CYP3A5: variants seen among roughly 807,000 people sequenced by gnomAD.
CYP3A5 encodes the protein cytochrome P450 family 3 subfamily A member 5.
In CYP3A5, 51 loss-of-function variants were observed where a neutral mutation model predicts 55.9. That is an observed-to-expected ratio of 0.91 (90% CI 0.73 to 1.15). The LOEUF is 1.15. Ranked by LOEUF, CYP3A5 falls within the 50% of genes most tolerant of loss-of-function variation. CYP3A5 has a pLI of 0.00. For synonymous variants in CYP3A5, 196 were observed against 213.9 expected (o/e 0.92, Z 0.73); for missense variants, 533 against 596.6 (o/e 0.89, Z 1.11).
At chr7:99,661,242 G>A (rs1810412400) in intron 9 of CYP3A5, among the ~76,000 whole-genome samples, 1 of 152,208 alleles carries the variant, frequency 6.6e-6, no homozygotes, top group Non-Finnish European at 1.5e-5. Flanking sequence ...ACATCTGGGA[G>A]CTTATTAGAA....
rs1811091470 is a variant in CYP3A5, at chr7:99,667,013, T to C, written c.371A>G (p.Glu124Gly). 1 of 1,614,058 alleles carries C rather than the reference T, an allele frequency of 6.2e-7. No homozygotes were observed. The highest frequency in any genetic ancestry group is 1.3e-5 in the African/African-American group (1 of 74,936). ...CAATGACCGTATTCTCTTCCATTCT[T>C]CATCCTCAGCTAAAGAGATGGCACT... ...MKSAISLAED[E>G]EWKRIRSLLS... The change falls in exon 5 of 13, where the codon GAA becomes GGA. Residue 124 changes from glutamate to glycine, a missense_variant. Coordinates refer to ENST00000222982, the MANE Select transcript of CYP3A5 (RefSeq NM_000777.5).
intron 2 of CYP3A5, among the ~76,000 whole-genome samples, chr7:99,675,185 G>A (rs1214712590): frequency 6.6e-6 from 1 of 152,178 alleles, no homozygotes; most frequent in Non-Finnish European, 1.5e-5. Flanking sequence ...CAGAAAAGAT[G>A]GAGAAATGCC....
At chr7:99,652,020 A>G (rs1437354937) in intron 11 of CYP3A5, among the ~76,000 whole-genome samples, 2 of 152,168 alleles carry the variant, frequency 1.3e-5, no homozygotes, top group Non-Finnish European at 2.9e-5. Context: ...GTTGAAAGCA[A>G]ATGGAATGTG....
At chr7:99,666,093 C>T (rs1347279390) in intron 6 of CYP3A5, among the ~76,000 whole-genome samples, 4 of 152,158 alleles carry the variant, frequency 2.6e-5, no homozygotes, top group African/African-American at 4.8e-5. Context: ...CATAGCATTT[C>T]TAGCACCCTT....
At chr7:99,648,983 G>T (rs568572310) in intron 12 of CYP3A5, among the ~76,000 whole-genome samples, 1 of 152,246 alleles carries the variant, frequency 6.6e-6, no homozygotes, top group South Asian at 2.1e-4. Flanking sequence ...AATTTCTCAA[G>T]TTGTACAGTG....
At chr7:99,649,980 A>G (rs962165536) in intron 12 of CYP3A5, 93 bp downstream of exon 12, 1 of 1,475,398 alleles carries the variant, frequency 6.8e-7, no homozygotes, top group Non-Finnish European at 9.2e-7. Flanking sequence ...CCATAGAATG[A>G]ATTATTAAAA....
At chr7:99,663,618 C>G in intron 8 of CYP3A5, 1 of 1,000,210 alleles carries the variant, frequency 1.0e-6, no homozygotes, top group Non-Finnish European at 1.2e-6. Flanking sequence ...CTTTACCAAT[C>G]TGTGATATGA....
intron 4 of CYP3A5, among the ~76,000 whole-genome samples, chr7:99,667,814 A>G (rs1039791713): frequency 2.6e-5 from 4 of 152,322 alleles, no homozygotes; most frequent in Non-Finnish European, 5.9e-5. Flanking sequence ...GACAATCTGT[A>G]AAAAAATCAT....
chr7:99,664,665 T>G (rs1036943111), intron 7 of CYP3A5, among the ~76,000 whole-genome samples: 26 of 152,156 alleles, frequency 1.7e-4, no homozygotes, highest in Non-Finnish European at 1.5e-5. Context: ...AAACACAGGA[T>G]GTAGCCAAAC....
At chr7:99,650,710 C>T (rs1809093659) in intron 11 of CYP3A5, among the ~76,000 whole-genome samples, 1 of 151,940 alleles carries the variant, frequency 6.6e-6, no homozygotes, top group African/African-American at 2.4e-5. Context: ...TAATTCCCCT[C>T]CTCCTCCTCT....
In CYP3A5 at chr7:99,667,834, T is replaced by C. The variant is rs1052100791; in HGVS notation, c.319-769A>G. On this transcript the variant is annotated intron_variant, in intron 4 of 12. Coordinates refer to ENST00000222982, the MANE Select transcript of CYP3A5 (RefSeq NM_000777.5). Reference sequence around the variant, plus strand: ...TCTGTAAAAAAATCATTCAGTTAAATCACATTTAATGATGAAGGACTGAAT... The same window carrying C: ...TCTGTAAAAAAATCATTCAGTTAAACCACATTTAATGATGAAGGACTGAAT... 3.9e-5 allele frequency among the ~76,000 whole-genome samples: 6 copies of C among 152,220 alleles called. No homozygotes were observed. The South Asian group carries it at 1.2e-3, about 32-fold the overall frequency.
chr7:99,657,069 T>G (rs1318537212), intron 10 of CYP3A5, among the ~76,000 whole-genome samples: 1 of 152,228 alleles, frequency 6.6e-6, no homozygotes, highest in Non-Finnish European at 1.5e-5. Flanking sequence ...GGTTTTTTTG[T>G]GTCTCTGTTT....
At chr7:99,661,313 A>G (rs1029798827) in intron 9 of CYP3A5, among the ~76,000 whole-genome samples, 4 of 152,232 alleles carry the variant, frequency 2.6e-5, no homozygotes, top group African/African-American at 7.2e-5. Context: ...TGCAGGAGAT[A>G]TGGTGATTTG....
In CYP3A5 at chr7:99,676,172, CAGTCTCTTAAAA is replaced by C. The variant is rs1163320193; in HGVS notation, c.96_107del (p.Phe33_Leu36del). The C allele has an allele frequency of 2.5e-6, 4 of 1,613,778 alleles. No individual in the cohort carries two copies. In the South Asian group the frequency reaches 3.3e-5, roughly 13 times the overall value. On this transcript the variant is annotated inframe_deletion, in exon 2 of 13. Coordinates refer to ENST00000222982, the MANE Select transcript of CYP3A5 (RefSeq NM_000777.5). ...GCAGAGGTGTGGGCCCTGGAATTCC[CAGTCTCTTAAAA>C]AGTCCATGTGTACGGGTCCCATATC...
At chr7:99,666,302 T>C (rs759197214) in intron 6 of CYP3A5, among the ~76,000 whole-genome samples, 2 of 152,224 alleles carry the variant, frequency 1.3e-5, no homozygotes, top group African/African-American at 2.4e-5. Flanking sequence ...CTCAAAACTT[T>C]GATACAATCA....
At chr7:99,652,017 G>A (rs1454959221) in intron 11 of CYP3A5, among the ~76,000 whole-genome samples, 2 of 152,128 alleles carry the variant, frequency 1.3e-5, no homozygotes, top group East Asian at 3.8e-4. Flanking sequence ...AACGTTGAAA[G>A]CAAATGGAAT....
intron 2 of CYP3A5, among the ~76,000 whole-genome samples, chr7:99,675,665 T>A (rs1234541531): frequency 1.1e-4 from 3 of 28,522 alleles, no homozygotes; most frequent in East Asian, 1.2e-3. Context: ...TCCCCTCCCC[T>A]CCCCTCTCCT....
intron 4 of CYP3A5, chr7:99,672,005 A>G: frequency 3.4e-6 from 2 of 587,704 alleles, no homozygotes; most frequent in Non-Finnish European, 6.0e-6. Context: ...GTACTATAGT[A>G]TTAGGTTGGT....
intron 10 of CYP3A5, chr7:99,660,245 T>TA (rs1554418685): frequency 1.4e-6 from 1 of 739,172 alleles, no homozygotes; most frequent in Non-Finnish European, 1.6e-6. Context: ...TTTTTTTTTT[T>TA]ACTTAGCATT....
Sources: allele counts gnomAD v4.1 joint callset (sites outside exome capture counted in the v4.1 genomes callset), GRCh38; gene constraint gnomAD v4.1.1; transcripts MANE v1.5; gene names NCBI Gene and HGNC (gene_info 2026-07-23, HGNC 2026-07-21).